BTBD8: variants seen among roughly 807,000 people sequenced by gnomAD.
BTBD8 encodes the protein BTB domain containing 8, also known as BTB/POZ domain-containing protein 8.
In BTBD8, 110 loss-of-function variants were observed where a neutral mutation model predicts 162.9. The ratio of observed to expected loss-of-function variants is 0.68; its 90% CI spans 0.58 to 0.79. The LOEUF is 0.79. BTBD8 is among the 30% of genes least tolerant of loss of function. The probability of loss-of-function intolerance (pLI) is 0.00; values close to 1 mark genes in which losing one functional copy is unlikely to be tolerated. For synonymous variants in BTBD8, 667 were observed against 716.1 expected (o/e 0.93, Z 1.10); for missense variants, 1,905 against 2,085.4 (o/e 0.91, Z 1.68).
chr1:92,120,217 A>AT (rs1364091711), intron 4 of BTBD8, among the ~76,000 whole-genome samples: 2 of 152,072 alleles, frequency 1.3e-5, no homozygotes, highest in Non-Finnish European at 2.9e-5. Context: ...GTTAAAAAAT[A>AT]TTTTTAAGTT....
chr1:92,090,742 C>G (rs1197129161), intron 2 of BTBD8, among the ~76,000 whole-genome samples: 1 of 152,090 alleles, frequency 6.6e-6, no homozygotes. Flanking sequence ...CCAGCCTGGC[C>G]AACGTGCTGC....
chr1:92,112,694 A>T (rs1416771032), intron 4 of BTBD8, among the ~76,000 whole-genome samples: 1 of 152,214 alleles, frequency 6.6e-6, no homozygotes, highest in Non-Finnish European at 1.5e-5. Context: ...TGAAAGCTAT[A>T]GTCAATGGAT....
Position 92,139,392 on chromosome 1 carries a change from T to C in BTBD8, c.795T>C (p.Tyr265=), listed in dbSNP as rs1317176846. 3 of 1,596,382 alleles carry C rather than the reference T, an allele frequency of 1.9e-6. No individual in the cohort carries two copies. The highest frequency in any genetic ancestry group is 1.7e-6 in the Non-Finnish European group (2 of 1,175,118). Residue 265 remains tyrosine (Y), a synonymous_variant, in exon 6 of 18, where the codon TAT becomes TAC. Transcript: ENST00000636805. ...VELNVMMHFI[Y]GGTLDIPDKT... The stretch of plus-strand genomic sequence containing the variant: ...TGAATGTTATGATGCATTTTATATA[T>C]GGAGGAACTCTGGACATTCCAGACA...
chr1:92,110,227 C>T (rs1648852709), intron 4 of BTBD8, among the ~76,000 whole-genome samples: 1 of 152,204 alleles, frequency 6.6e-6, no homozygotes, highest in African/African-American at 2.4e-5. Context: ...CCAAAGAAAT[C>T]ATTTCTAACA....
chr1:92,178,492 T>C (rs1650788803), intron 16 of BTBD8, 41 bp downstream of exon 16: 2 of 1,480,528 alleles, frequency 1.4e-6, no homozygotes, highest in East Asian at 5.1e-5. Flanking sequence ...AATTATTTCC[T>C]TGTGTAAACT....
intron 9 of BTBD8, among the ~76,000 whole-genome samples, chr1:92,161,185 G>A (rs1650265470): frequency 6.6e-6 from 1 of 152,176 alleles, no homozygotes; most frequent in African/African-American, 2.4e-5. Flanking sequence ...TTTGTTAATT[G>A]TTGAATCAGT....
chr1:92,126,281 G>T, intron 4 of BTBD8: 2 of 600,230 alleles, frequency 3.3e-6, no homozygotes. Flanking sequence ...GAAGATTGGG[G>T]CCTTCTGATT....
At chr1:92,130,822 C>T (rs1649498879) in intron 5 of BTBD8, among the ~76,000 whole-genome samples, 1 of 152,166 alleles carries the variant, frequency 6.6e-6, no homozygotes, top group African/African-American at 2.4e-5. Context: ...CCTGCCTCAG[C>T]CTCCTGAGTA....
Position 92,170,854 on chromosome 1 carries a change from A to C in BTBD8, c.1574-545A>C, listed in dbSNP as rs202230598. Among the ~76,000 whole-genome samples the C allele has an allele frequency of 3.3e-4, 40 of 120,972 alleles. No homozygotes were observed. The East Asian group carries it at 0.011, about 34-fold the overall frequency. The allele number at this position is 120,972 out of a possible 152,430, so 79.4% of individuals were successfully genotyped here. On this transcript the variant is annotated intron_variant, in intron 12 of 17. Transcript: ENST00000636805. ...ATAAAATGAATTTTTATTTAATTAT[A>C]AAAAGAATATTTTGAAGATTCTTAT...
chr1:92,160,753 A>G (rs1455637238), intron 9 of BTBD8, among the ~76,000 whole-genome samples: 1 of 152,120 alleles, frequency 6.6e-6, no homozygotes, highest in Admixed American at 6.5e-5. Context: ...GGTTCTGGCA[A>G]CTAGTCGCAT....
intron 13 of BTBD8, among the ~76,000 whole-genome samples, chr1:92,175,477 C>CCAAAA (rs1650685307): frequency 2.7e-5 from 1 of 37,438 alleles, no homozygotes; most frequent in Non-Finnish European, 4.7e-5. Flanking sequence ...GACTCCATCT[C>CCAAAA]AAAAAAAAAA....
chr1:92,114,485 T>C (rs1051832203), intron 4 of BTBD8, among the ~76,000 whole-genome samples: 1 of 152,162 alleles, frequency 6.6e-6, no homozygotes, highest in Admixed American at 6.5e-5. Flanking sequence ...ACTAAAAATT[T>C]TTTATTCTGT....
intron 6 of BTBD8, chr1:92,139,956 A>AAAAAAAAAAC (rs1649732078): frequency 7.0e-6 from 1 of 141,890 alleles, no homozygotes; most frequent in Non-Finnish European, 1.5e-5. Context: ...AAAAAAAAAA[A>AAAAAAAAAAC]AAAAAAAGCT....
chr1:92,183,778 A>T (rs569593), intron 17 of BTBD8, 86 bp from the exon 18 acceptor site: 8 of 539,420 alleles, frequency 1.5e-5, no homozygotes, highest in South Asian at 8.2e-5. Flanking sequence ...TTTGACTATC[A>T]CTGTTATATT....
chr1:92,137,768 A>G (rs1028623214), intron 5 of BTBD8, among the ~76,000 whole-genome samples: 12 of 152,122 alleles, frequency 7.9e-5, no homozygotes, highest in African/African-American at 2.2e-4. Flanking sequence ...AAATCTTGGG[A>G]CTTGGGGATG....
At chr1:92,123,119 A>G (rs950297827) in intron 4 of BTBD8, among the ~76,000 whole-genome samples, 1 of 152,096 alleles carries the variant, frequency 6.6e-6, no homozygotes, top group Admixed American at 6.5e-5. Flanking sequence ...TCCCCCATTG[A>G]ATTATCTTAA....
chr1:92,137,612 A>C (rs1222485376), intron 5 of BTBD8, among the ~76,000 whole-genome samples: 1 of 152,236 alleles, frequency 6.6e-6, no homozygotes, highest in Non-Finnish European at 1.5e-5. Context: ...CAAAATAATC[A>C]GTAAGTGAAG....
In BTBD8 at chr1:92,168,927, TC is replaced by T; in HGVS notation, c.1506del (p.Tyr503MetfsTer11). 6.5e-7 allele frequency: 1 copy of T among 1,544,288 alleles called. No individual in the cohort carries two copies. The highest frequency in any genetic ancestry group is 1.2e-5 in the South Asian group (1 of 83,188). On this transcript the variant is annotated frameshift_variant, in exon 12 of 18. Transcript: ENST00000636805. LOFTEE classifies it high-confidence loss of function. The part of the protein sequence containing the change: ...DKLWIFLVQS[F>X]YAVRHTESWK... ...CTGTGGATCTTCCTGGTTCAGTCTT[TC>T]TATGCTGTTCGTCACACAGAAAGCT...
chr1:92,179,261 A>G (rs1304872391), intron 16 of BTBD8, among the ~76,000 whole-genome samples: 4 of 145,482 alleles, frequency 2.7e-5, no homozygotes, highest in Non-Finnish European at 6.1e-5. Flanking sequence ...AAAAAAAAAA[A>G]TTGATAATGA....
Sources: allele counts gnomAD v4.1 joint callset (sites outside exome capture counted in the v4.1 genomes callset), GRCh38; gene constraint gnomAD v4.1.1; transcripts MANE v1.5; gene names NCBI Gene and HGNC (gene_info 2026-07-23, HGNC 2026-07-21).